Variants in ANKRD27 observed in about 807,000 individuals in gnomAD.
ANKRD27 encodes the protein ankyrin repeat domain 27.
Under a neutral mutation model 129.7 loss-of-function variants are expected in ANKRD27, and 112 were observed. The ratio of observed to expected loss-of-function variants is 0.86; its 90% CI spans 0.74 to 1.01. The LOEUF is 1.01. ANKRD27 is among the 50% of genes least tolerant of loss of function. ANKRD27 has a pLI of 0.00. For synonymous variants in ANKRD27, 516 were observed against 511.2 expected, an observed-to-expected ratio of 1.01 and a Z score of -0.13; for missense variants, 1,258 against 1,300.5, an observed-to-expected ratio of 0.97 and a Z score of 0.50.
At chr19:32,627,362 T>TTTTATTTATTTA (rs149637042) in intron 15 of ANKRD27, among the ~76,000 whole-genome samples, 3 of 132,256 alleles carry the variant, frequency 2.3e-5, no homozygotes, top group East Asian at 2.2e-4. Context: ...GTGCACTTTA[T>TTTTATTTATTTA]TTTATTTATT....
chr19:32,616,965 T>G (rs1271036173), intron 21 of ANKRD27, among the ~76,000 whole-genome samples: 14 of 152,160 alleles, frequency 9.2e-5, no homozygotes, highest in Admixed American at 9.2e-4. Flanking sequence ...GGGCCTGGGC[T>G]CTGAGCCCAC....
intron 10 of ANKRD27, among the ~76,000 whole-genome samples, chr19:32,640,984 C>T (rs113020901): frequency 0.13 from 19,843 of 151,938 alleles, 1,750 homozygotes; most frequent in African/African-American, 0.25. Flanking sequence ...CTGCAAGCTC[C>T]GCCTCCCGGG....
At chr19:32,656,614 C>T (rs71334809) in intron 2 of ANKRD27, among the ~76,000 whole-genome samples, 3,710 of 151,536 alleles carry the variant, frequency 0.024, 77 homozygotes, top group East Asian at 0.12. Flanking sequence ...TAGTGAGACC[C>T]CATCTCTACA....
chr19:32,674,542 T>C (rs1250036291), intron 1 of ANKRD27, among the ~76,000 whole-genome samples: 1 of 147,172 alleles, frequency 6.8e-6, no homozygotes, highest in African/African-American at 2.5e-5. Flanking sequence ...AGTTTTCCTT[T>C]AACAATCTTT....
chr19:32,625,869 C>A lies in ANKRD27; in HGVS notation c.1629+5G>T. 1 of 1,587,494 alleles carries A rather than the reference C, an allele frequency of 6.3e-7. No homozygotes were observed. The highest frequency in any genetic ancestry group is 8.5e-7 in the Non-Finnish European group (1 of 1,169,622). ...AGCCCCCCCGGAACAGCAAGAGCCA[C>A]TCACGTCCTCGTGGCCGTAGGTGCA... On this transcript the variant is annotated splice_donor_5th_base_variant and intron_variant, in intron 17 of 28. Coordinates refer to ENST00000306065, the MANE Select transcript of ANKRD27 (RefSeq NM_032139.3).
At chr19:32,635,170 T>G (rs1967066728) in intron 12 of ANKRD27, among the ~76,000 whole-genome samples, 1 of 152,094 alleles carries the variant, frequency 6.6e-6, no homozygotes, top group Admixed American at 6.6e-5. Context: ...GGACACCTCC[T>G]TCCAGGTGAC....
intron 1 of ANKRD27, among the ~76,000 whole-genome samples, chr19:32,663,627 A>G (rs1451902140): frequency 2.0e-5 from 3 of 152,168 alleles, no homozygotes; most frequent in Non-Finnish European, 4.4e-5. Flanking sequence ...ACACTCCAAG[A>G]TCCCACGTAT....
chr19:32,637,995 C>T (rs1365193506), intron 12 of ANKRD27: 2 of 152,294 alleles, frequency 1.3e-5, no homozygotes, highest in East Asian at 1.9e-4. Flanking sequence ...CCTGCAGATG[C>T]CCCTTGGCAC....
At chr19:32,648,537 A>G (rs1267209301) in intron 3 of ANKRD27, among the ~76,000 whole-genome samples, 4 of 152,220 alleles carry the variant, frequency 2.6e-5, no homozygotes, top group Non-Finnish European at 5.9e-5. Context: ...GCGGTGGCGC[A>G]CGCCTGTAAT....
intron 3 of ANKRD27, 33 bp from the exon 4 acceptor site, chr19:32,646,648 GC>G: frequency 1.2e-6 from 2 of 1,602,284 alleles, no homozygotes; most frequent in Non-Finnish European, 1.7e-6. Context: ...TGCACCAGCA[GC>G]CGGGGCAACC....
intron 18 of ANKRD27, among the ~76,000 whole-genome samples, chr19:32,620,255 TTA>T (rs1568402268): frequency 2.3e-5 from 3 of 132,284 alleles, no homozygotes; most frequent in African/African-American, 2.8e-5. Flanking sequence ...ACAAAATAAT[TTA>T]AAAAAAAAAA....
Position 32,625,908 on chromosome 19 carries a change from G to A in ANKRD27, c.1595C>T (p.Pro532Leu). 1 of 1,611,472 alleles carries A rather than the reference G, an allele frequency of 6.2e-7. No homozygotes were observed. The highest frequency in any genetic ancestry group is 1.1e-5 in the South Asian group (1 of 90,290). The stretch of plus-strand genomic sequence containing the variant: ...GCCGTAGGTGCAGGCCAGGTGGAGT[G>A]GCGTATTCCCATTGTTGTCCTGCAC... ...AEVQDNNGNT[P>L]LHLACTYGHE... Residue 532 changes from proline (P) to leucine (L), a missense_variant, in exon 17 of 29, where the codon CCA becomes CTA. By Grantham distance (98) the Pro-to-Leu change is moderately conservative (BLOSUM62 -3). Coordinates refer to ENST00000306065, the MANE Select transcript of ANKRD27 (RefSeq NM_032139.3).
At chr19:32,599,619 T>C in intron 28 of ANKRD27, 85 bp downstream of exon 28, 2 of 1,224,288 alleles carry the variant, frequency 1.6e-6, no homozygotes, top group Non-Finnish European at 2.3e-6. Context: ...AAGATGACGA[T>C]CAAGGAGACG....
chr19:32,606,598 G>GATGTGCTGGGTT (rs1971742546), intron 23 of ANKRD27, among the ~76,000 whole-genome samples: 1 of 152,220 alleles, frequency 6.6e-6, no homozygotes, highest in Non-Finnish European at 1.5e-5. Context: ...TGTGCTGGGC[G>GATGTGCTGGGTT]ACAGTGATCT....
chr19:32,629,157 G>C (rs926186941), intron 13 of ANKRD27, among the ~76,000 whole-genome samples: 2 of 152,174 alleles, frequency 1.3e-5, no homozygotes, highest in Non-Finnish European at 2.9e-5. Context: ...CTGACCACAA[G>C]TGATCCACCC....
Position 32,597,166 on chromosome 19 carries a change from T to TATCAATCA in ANKRD27, c.*978_*979insTGATTGAT, listed in dbSNP as rs58260322. 1 of 152,364 alleles carries TATCAATCA rather than the reference T, an allele frequency of 6.6e-6. No individual in the cohort carries two copies. Among genetic ancestry groups the TATCAATCA allele is most frequent in the African/African-American group, 2.4e-5 (1 of 41,426 alleles). The allele number at this position is 152,364 out of a possible 1,614,324, so 9.4% of individuals were successfully genotyped here. A position where few individuals can be genotyped will look rare whatever the true frequency, so the allele number is the denominator to read the frequency against. On this transcript the variant is annotated 3_prime_UTR_variant, in exon 29 of 29. Coordinates refer to ENST00000306065, the MANE Select transcript of ANKRD27 (RefSeq NM_032139.3). ...AAGAACATGGACAAAACCATTTCCCTATCACAAGGTCATTTGAAAACGGAC... is the reference window on the plus strand; with the variant it reads ...AAGAACATGGACAAAACCATTTCCCTATCAATCAATCACAAGGTCATTTGAAAACGGAC...
intron 10 of ANKRD27, among the ~76,000 whole-genome samples, chr19:32,641,027 C>G (rs1389171758): frequency 6.6e-6 from 1 of 151,960 alleles, no homozygotes; most frequent in East Asian, 1.9e-4. Context: ...GCCTCCTGAG[C>G]AGCTGGGACT....
chr19:32,656,001 C>T (rs1178846181), intron 2 of ANKRD27, among the ~76,000 whole-genome samples: 1 of 140,812 alleles, frequency 7.1e-6, no homozygotes, highest in African/African-American at 2.7e-5. Context: ...CTGGGCAACA[C>T]AGTGAGACTC....
At chr19:32,660,166 A>T (rs1023255637) in intron 1 of ANKRD27, among the ~76,000 whole-genome samples, 5 of 152,230 alleles carry the variant, frequency 3.3e-5, no homozygotes, top group African/African-American at 1.2e-4. Flanking sequence ...CCAAAAACTC[A>T]TATGTTAAAA....
Sources: gnomAD v4.1 joint callset for allele counts (sites outside exome capture counted in the v4.1 genomes callset) on GRCh38, gnomAD v4.1.1 for gene constraint, MANE v1.5 for transcripts, NCBI Gene and HGNC (gene_info 2026-07-23, HGNC 2026-07-21) for gene names.